Variants in DRC11 observed in about 807,000 individuals in gnomAD.
DRC11 encodes IQ and AAA domain-containing protein 1.
the DRC11 span, chr2:236,331,900 T>C: frequency 0.18 from 56,752 of 316,440 alleles, 5,842 homozygotes; most frequent in African/African-American, 0.23. The surrounding 1 kb of genome is among the most constrained non-coding windows in gnomAD (Gnocchi z 4.8). Flanking sequence ...TGTAAAGATG[T>C]TGACAATCTG....
chr2:236,459,624 CATACGTATATACGTAT>C, the DRC11 span, among the ~76,000 whole-genome samples: 1 of 82,648 alleles, frequency 1.2e-5, no homozygotes, highest in Non-Finnish European at 2.8e-5. Context: ...TAAGTATATA[CATACGTATATACGTAT>C]ATACGTATAT....
the DRC11 span, among the ~76,000 whole-genome samples, chr2:236,312,729 A>G: frequency 2.3e-4 from 35 of 152,094 alleles, no homozygotes; most frequent in African/African-American, 8.0e-4. Context: ...AAAAATTACA[A>G]TAAAGACAGC....
At chr2:236,318,736 T>C in the DRC11 span, among the ~76,000 whole-genome samples, 1 of 152,236 alleles carries the variant, frequency 6.6e-6, no homozygotes, top group East Asian at 1.9e-4. This position sits in a 1 kb window ranked among gnomAD's most constrained non-coding sequence, Gnocchi z 7.0. Context: ...TGTGCATGCA[T>C]GTGTATATGC....
At chr2:236,507,346 C>G in the DRC11 span, 1 of 1,472,890 alleles carries the variant, frequency 6.8e-7, no homozygotes, top group Admixed American at 1.7e-5. Flanking sequence ...CAGCAGGGGT[C>G]AGGGCACTAC....
the DRC11 span, among the ~76,000 whole-genome samples, chr2:236,326,145 A>G: frequency 6.6e-6 from 1 of 152,104 alleles, no homozygotes; most frequent in Non-Finnish European, 1.5e-5. Flanking sequence ...CTAGGTATAG[A>G]TTTATTTGAT....
At chr2:236,331,583 T>C in the DRC11 span, 10 of 1,613,260 alleles carry the variant, frequency 6.2e-6, no homozygotes, top group Non-Finnish European at 8.5e-6. The surrounding 1 kb of genome is among the most constrained non-coding windows in gnomAD (Gnocchi z 4.8). Context: ...CGTTCAATGA[T>C]TTGCTTCCAC....
chr2:236,397,801 T>C, the DRC11 span, among the ~76,000 whole-genome samples: 1 of 152,180 alleles, frequency 6.6e-6, no homozygotes, highest in Non-Finnish European at 1.5e-5. This position sits in a 1 kb window ranked among gnomAD's most constrained non-coding sequence, Gnocchi z 5.0. Context: ...GTTACTGTCA[T>C]CCGAACTTAC....
chr2:236,336,235 G>A, the DRC11 span, among the ~76,000 whole-genome samples: 1 of 152,286 alleles, frequency 6.6e-6, no homozygotes, highest in South Asian at 2.1e-4. This position sits in a 1 kb window ranked among gnomAD's most constrained non-coding sequence, Gnocchi z 7.3. Flanking sequence ...TAATAAGCTA[G>A]CTGTTTATAG....
chr2:236,443,978 A>T, the DRC11 span, among the ~76,000 whole-genome samples: 1 of 136,958 alleles, frequency 7.3e-6, no homozygotes, highest in South Asian at 2.2e-4. This position sits in a 1 kb window ranked among gnomAD's most constrained non-coding sequence, Gnocchi z 4.4. Flanking sequence ...TGGCCACATG[A>T]ATTTTTTTTT....
At chr2:236,347,507 G>GCT in the DRC11 span, among the ~76,000 whole-genome samples, 18 of 93,264 alleles carry the variant, frequency 1.9e-4, no homozygotes, top group East Asian at 1.4e-3. Context: ...AAAAAACTGT[G>GCT]CTATATATAT....
At chr2:236,503,492 G>T in the DRC11 span, 1 of 869,932 alleles carries the variant, frequency 1.1e-6, no homozygotes, top group Non-Finnish European at 1.8e-6. The surrounding 1 kb of genome is among the most constrained non-coding windows in gnomAD (Gnocchi z 4.9). Flanking sequence ...GGTGGCTTGA[G>T]CCTTCCGGGT....
chr2:236,401,045 A>G, the DRC11 span, among the ~76,000 whole-genome samples: 2 of 152,006 alleles, frequency 1.3e-5, no homozygotes, highest in Non-Finnish European at 2.9e-5. The surrounding 1 kb of genome is among the most constrained non-coding windows in gnomAD (Gnocchi z 4.6). Context: ...CTTCCTTGGA[A>G]GCCCCACAGA....
the DRC11 span, among the ~76,000 whole-genome samples, chr2:236,348,543 G>A: frequency 9.7e-5 from 13 of 133,954 alleles, no homozygotes; most frequent in Admixed American, 9.4e-4. The surrounding 1 kb of genome is among the most constrained non-coding windows in gnomAD (Gnocchi z 7.4). Flanking sequence ...TCTCACAGTA[G>A]CAGGTAAGTG....
chr2:236,394,602 A>T, the DRC11 span, among the ~76,000 whole-genome samples: 1 of 151,448 alleles, frequency 6.6e-6, no homozygotes, highest in Admixed American at 6.6e-5. This position sits in a 1 kb window ranked among gnomAD's most constrained non-coding sequence, Gnocchi z 7.0. Context: ...TAGGCGACAG[A>T]GCGAGACTGT....
chr2:236,473,088 T>C, the DRC11 span, among the ~76,000 whole-genome samples: 1 of 152,048 alleles, frequency 6.6e-6, no homozygotes, highest in Non-Finnish European at 1.5e-5. The surrounding 1 kb of genome is among the most constrained non-coding windows in gnomAD (Gnocchi z 4.8). Context: ...TAATATTTTT[T>C]TAAATAAAAA....
At chr2:236,375,172 C>T in the DRC11 span, among the ~76,000 whole-genome samples, 9,401 of 152,134 alleles carry the variant, frequency 0.062, 454 homozygotes, top group Middle Eastern at 0.14. This position sits in a 1 kb window ranked among gnomAD's most constrained non-coding sequence, Gnocchi z 4.2. Context: ...GTTTGGTGGG[C>T]GCACAGATCT....
chr2:236,309,073 A>C, the DRC11 span, among the ~76,000 whole-genome samples: 1 of 152,120 alleles, frequency 6.6e-6, no homozygotes, highest in South Asian at 2.1e-4. The surrounding 1 kb of genome is among the most constrained non-coding windows in gnomAD (Gnocchi z 5.7). Context: ...ATGGCTGATG[A>C]CCAGGTGAGA....
the DRC11 span, among the ~76,000 whole-genome samples, chr2:236,326,025 C>T: frequency 6.6e-6 from 1 of 152,204 alleles, no homozygotes; most frequent in Non-Finnish European, 1.5e-5. Flanking sequence ...TATCTTCTGG[C>T]ACCTATGGTT....
the DRC11 span, among the ~76,000 whole-genome samples, chr2:236,491,670 G>A: frequency 1.9e-3 from 293 of 152,206 alleles, no homozygotes; most frequent in African/African-American, 6.5e-3. Flanking sequence ...TGAGTGCTTC[G>A]CTCTGACTGA....
Sources: allele counts gnomAD v4.1 joint callset (sites outside exome capture counted in the v4.1 genomes callset), GRCh38; gene constraint gnomAD v4.1.1; non-coding constraint Gnocchi (gnomAD v3.1); transcripts MANE v1.5; gene names NCBI Gene and HGNC (gene_info 2026-07-23, HGNC 2026-07-21).